Variants in PCDHA11 observed in about 807,000 individuals in gnomAD.
The protein encoded by PCDHA11 is protocadherin alpha-11.
A neutral mutation model predicts 70.3 loss-of-function variants in PCDHA11; 61 were observed. That is an observed-to-expected ratio of 0.87 (90% CI 0.71 to 1.07). The LOEUF is 1.07. Among genes scored for constraint, PCDHA11 ranks in the 50% least tolerant of loss-of-function variants. The probability of loss-of-function intolerance (pLI) is 0.00; values close to 1 mark genes in which losing one functional copy is unlikely to be tolerated. For missense variants in PCDHA11, 1,324 were observed against 1,237.5 expected, an observed-to-expected ratio of 1.07 and a Z score of -1.05; for synonymous variants, 633 against 555.1, an observed-to-expected ratio of 1.14 and a Z score of -1.97.
At chr5:140,894,457 T>C (rs2153447013) in intron 1 of PCDHA11, among the ~76,000 whole-genome samples, 1 of 152,166 alleles carries the variant, frequency 6.6e-6, no homozygotes, top group African/African-American at 2.4e-5. Flanking sequence ...AAAAAATATT[T>C]TACTTTTTAT....
At chr5:141,007,280 T>G (rs946303708) in intron 3 of PCDHA11, among the ~76,000 whole-genome samples, 1 of 151,106 alleles carries the variant, frequency 6.6e-6, no homozygotes, top group East Asian at 1.9e-4. Flanking sequence ...CTGGGTGCAG[T>G]GGGCTCATGC....
In PCDHA11 at chr5:140,874,972, G is replaced by A. The variant is rs2055201149; in HGVS notation, c.2391+3478G>A. On this transcript the variant is annotated intron_variant, in intron 1 of 3. Coordinates refer to ENST00000398640, the MANE Select transcript of PCDHA11 (RefSeq NM_018902.5). ...TTGTAAGCTATATAAGGGGAGGGGT[G>A]CTGTATATTATTCTGTATATCATTT... 2.6e-5 allele frequency among the ~76,000 whole-genome samples: 4 copies of A among 152,186 alleles called. No homozygotes were observed. In the South Asian group the frequency reaches 6.2e-4, roughly 24 times the overall value.
At chr5:140,985,000 C>T (rs1237251178) in intron 3 of PCDHA11, among the ~76,000 whole-genome samples, 5 of 151,948 alleles carry the variant, frequency 3.3e-5, no homozygotes, top group Non-Finnish European at 7.4e-5. Context: ...TCCAGTGGCA[C>T]GATATCGGCT....
At position 140,943,102 on chromosome 5, in the gene PCDHA11, A is replaced by G. The variant is rs142380810; in HGVS notation, c.2392-35847A>G. 2.6e-3 allele frequency among the ~76,000 whole-genome samples: 391 copies of G among 151,972 alleles called. 4 individuals are homozygous for G. In the East Asian group the frequency reaches 0.045, roughly 17 times the overall value. ...TGAAATCCTGCCTCTACTAAAAAAT[A>G]CAAAAATTAGCCAGGTGTGGTAGTG... On this transcript the variant is annotated intron_variant, in intron 1 of 3. Transcript: ENST00000398640.
intron 1 of PCDHA11, chr5:140,883,107 C>T: frequency 6.2e-7 from 1 of 1,614,064 alleles, no homozygotes. Context: ...ATAGTTTACT[C>T]ATTTAGAAGG....
intron 1 of PCDHA11, among the ~76,000 whole-genome samples, chr5:140,960,552 A>T (rs1269039449): frequency 6.6e-6 from 1 of 152,162 alleles, no homozygotes; most frequent in Non-Finnish European, 1.5e-5. Flanking sequence ...CTTCATATAG[A>T]CTGAGCTTAG....
At chr5:140,905,021 G>A (rs1443702216) in intron 1 of PCDHA11, among the ~76,000 whole-genome samples, 1 of 152,078 alleles carries the variant, frequency 6.6e-6, no homozygotes, top group African/African-American at 2.4e-5. Flanking sequence ...TCTTTTCTAT[G>A]CAGAAGCTTT....
intron 1 of PCDHA11, chr5:140,884,136 G>A (rs371124724): frequency 1.2e-6 from 2 of 1,613,282 alleles, no homozygotes; most frequent in Non-Finnish European, 1.7e-6. Flanking sequence ...ATCCCGTTCC[G>A]CGTGGGGCTG....
intron 1 of PCDHA11, chr5:140,930,126 C>T (rs1286889846): frequency 6.6e-6 from 1 of 152,108 alleles, no homozygotes; most frequent in Non-Finnish European, 1.5e-5. Flanking sequence ...GGATATAGGA[C>T]TTGACAACCT....
intron 3 of PCDHA11, among the ~76,000 whole-genome samples, chr5:141,004,385 G>C (rs1388217607): frequency 6.6e-6 from 1 of 152,192 alleles, no homozygotes; most frequent in Non-Finnish European, 1.5e-5. Flanking sequence ...TGCGGAAGCT[G>C]GACATGTGGA....
chr5:140,981,260 T>C (rs975813904), intron 2 of PCDHA11, among the ~76,000 whole-genome samples: 11 of 152,324 alleles, frequency 7.2e-5, no homozygotes, highest in African/African-American at 2.4e-4. Flanking sequence ...ACTTTCAAGA[T>C]AAGCAAATGT....
intron 3 of PCDHA11, among the ~76,000 whole-genome samples, chr5:140,982,886 G>A (rs1310342145): frequency 1.3e-5 from 2 of 152,114 alleles, no homozygotes; most frequent in Admixed American, 6.6e-5. Flanking sequence ...GCCATGCAGA[G>A]AAGATCTGGT....
chr5:140,886,659 C>T (rs782545078), intron 1 of PCDHA11, among the ~76,000 whole-genome samples: 4 of 151,858 alleles, frequency 2.6e-5, no homozygotes, highest in African/African-American at 4.8e-5. Context: ...AACCCTGTCT[C>T]TACTAAAAAT....
At chr5:140,998,125 A>G (rs2097797565) in intron 3 of PCDHA11, among the ~76,000 whole-genome samples, 1 of 152,222 alleles carries the variant, frequency 6.6e-6, no homozygotes. Flanking sequence ...CTTGTGAATC[A>G]TAATAGCTAA....
chr5:140,926,972 C>T (rs782504064), intron 1 of PCDHA11: 1 of 1,609,464 alleles, frequency 6.2e-7, no homozygotes. Context: ...TACTCAGTGC[C>T]GGAGGAGACG....
chr5:140,881,453 C>T (rs554262236), intron 1 of PCDHA11: 48 of 714,052 alleles, frequency 6.7e-5, no homozygotes, highest in Admixed American at 6.2e-5. Context: ...GAATCCAAAA[C>T]CTTAGAGCAT....
At chr5:140,937,769 G>A (rs908179495) in intron 1 of PCDHA11, among the ~76,000 whole-genome samples, 44 of 151,776 alleles carry the variant, frequency 2.9e-4, no homozygotes, top group African/African-American at 9.4e-4. Context: ...AAAATTAGTC[G>A]GGCGTGGTGG....
chr5:140,965,307 C>T (rs2095888914), intron 1 of PCDHA11, among the ~76,000 whole-genome samples: 1 of 152,150 alleles, frequency 6.6e-6, no homozygotes, highest in Admixed American at 6.5e-5. Context: ...ATCCTTCTAC[C>T]TTCTCTTTTA....
intron 1 of PCDHA11, chr5:140,883,292 G>C (rs1352359327): frequency 6.2e-7 from 1 of 1,613,946 alleles, no homozygotes; most frequent in Non-Finnish European, 8.5e-7. Flanking sequence ...GGAAGTACTA[G>C]ATGTAAATGA....
Sources: allele counts gnomAD v4.1 joint callset (sites outside exome capture counted in the v4.1 genomes callset), GRCh38; gene constraint gnomAD v4.1.1; transcripts MANE v1.5; gene names NCBI Gene and HGNC (gene_info 2026-07-23, HGNC 2026-07-21).